CDH6: variants seen among roughly 807,000 people sequenced by gnomAD.
CDH6 encodes the protein cadherin 6.
A neutral mutation model predicts 78.0 loss-of-function variants in CDH6; 31 were observed. The observed-to-expected ratio is 0.40, with a 90% CI of 0.30 to 0.54. The LOEUF is 0.54. Among genes scored for constraint, CDH6 ranks in the 20% least tolerant of loss-of-function variants. The pLI, the probability that CDH6 is intolerant of heterozygous loss-of-function variation, is 0.56. For missense variants in CDH6, 724 were observed against 975.9 expected (o/e 0.74, Z 3.44); for synonymous variants, 376 against 368.8 (o/e 1.02, Z -0.23).
chr5:31,198,148 A>G (rs991076843), intron 1 of CDH6, among the ~76,000 whole-genome samples: 3 of 152,200 alleles, frequency 2.0e-5, no homozygotes, highest in Non-Finnish European at 4.4e-5. Flanking sequence ...TGAACTCTCC[A>G]AGAAACTTTC....
chr5:31,218,303 A>T (rs1561028055), intron 1 of CDH6, among the ~76,000 whole-genome samples: 1 of 152,196 alleles, frequency 6.6e-6, no homozygotes, highest in East Asian at 1.9e-4. Flanking sequence ...AGCCAAAAGA[A>T]AACTATACCT....
At chr5:31,255,151 G>C (rs10057582) in intron 1 of CDH6, among the ~76,000 whole-genome samples, 51,345 of 152,100 alleles carry the variant, frequency 0.34, 8,813 homozygotes, top group Non-Finnish European at 0.36. Context: ...TGCTTGATTT[G>C]ATTACTTCGA....
At chr5:31,199,547 C>G (rs1218749635) in intron 1 of CDH6, among the ~76,000 whole-genome samples, 2 of 145,890 alleles carry the variant, frequency 1.4e-5, no homozygotes, top group Admixed American at 1.4e-4. Context: ...TATGTATACA[C>G]ACATATGTGT....
At chr5:31,202,948 G>T (rs1452906775) in intron 1 of CDH6, among the ~76,000 whole-genome samples, 4 of 151,718 alleles carry the variant, frequency 2.6e-5, no homozygotes, top group African/African-American at 9.7e-5. Flanking sequence ...AATCAAAATG[G>T]CTTGTGGTCA....
chr5:31,284,142 T>C (rs190077275), intron 2 of CDH6, among the ~76,000 whole-genome samples: 1 of 152,292 alleles, frequency 6.6e-6, no homozygotes, highest in African/African-American at 2.4e-5. Flanking sequence ...TTCAAGCCCA[T>C]TTTGTAGATC....
chr5:31,267,398 C>A lies in CDH6; in HGVS notation c.-76C>A. 1.0e-6 allele frequency: 1 copy of A among 982,606 alleles called. No individual in the cohort carries two copies. Among genetic ancestry groups the A allele is most frequent in the Non-Finnish European group, 1.6e-6 (1 of 618,134 alleles). The allele number at this position is 982,606 out of a possible 1,614,324, so 60.9% of individuals were successfully genotyped here. Reference sequence around the variant, plus strand: ...ATTAAGGAAGGAAGGAGGAATGAGGCTGGATACGGTGCAGTGAAAAAGGCA... The same window carrying A: ...ATTAAGGAAGGAAGGAGGAATGAGGATGGATACGGTGCAGTGAAAAAGGCA... On this transcript the variant is annotated 5_prime_UTR_variant, in exon 2 of 12. The change creates a new upstream start codon in the 5' untranslated region. Coordinates refer to ENST00000265071, the MANE Select transcript of CDH6 (RefSeq NM_004932.4).
rs746910508 is a variant in CDH6, at chr5:31,317,859, T to A, written c.1817T>A (p.Ile606Asn). The change falls in exon 11 of 12, where the codon ATC becomes AAC. Residue 606 changes from isoleucine to asparagine, a missense_variant. Around this residue, in one of 3 missense-constraint regions of CDH6, gnomAD observed 220 missense variants for 240.6 expected, o/e 0.91. Transcript: ENST00000265071. Reference sequence around the variant, plus strand: ...CAATCCTGCCATGCGGAGGCGCTCATCCACCCCACGGGACTGAGCACGGGG... The same window carrying A: ...CAATCCTGCCATGCGGAGGCGCTCAACCACCCCACGGGACTGAGCACGGGG... ...NMQSCHAEAL[I>N]HPTGLSTGAL... is the part of the protein sequence containing the mutation. 5.0e-6 allele frequency: 8 copies of A among 1,613,926 alleles called. No individual in the cohort carries two copies. In the Middle Eastern group the frequency reaches 4.9e-4, roughly 99 times the overall value.
At chr5:31,279,222 A>G (rs1479933490) in intron 2 of CDH6, among the ~76,000 whole-genome samples, 1 of 152,180 alleles carries the variant, frequency 6.6e-6, no homozygotes, top group African/African-American at 2.4e-5. Flanking sequence ...TGTGTATGTT[A>G]TATTTTTATA....
At chr5:31,236,138 A>G (rs16900774) in intron 1 of CDH6, among the ~76,000 whole-genome samples, 2,930 of 152,312 alleles carry the variant, frequency 0.019, 121 homozygotes, top group East Asian at 0.15. Context: ...TGGTGTATAT[A>G]CAAATAGCAG....
chr5:31,216,083 A>G (rs1487025611), intron 1 of CDH6, among the ~76,000 whole-genome samples: 1 of 152,118 alleles, frequency 6.6e-6, no homozygotes, highest in Non-Finnish European at 1.5e-5. Context: ...TATTATTTAG[A>G]TCATGCATTT....
intron 2 of CDH6, among the ~76,000 whole-genome samples, chr5:31,280,606 G>A (rs1262630175): frequency 2.0e-5 from 3 of 152,058 alleles, no homozygotes; most frequent in Non-Finnish European, 4.4e-5. Context: ...GATACGGTGG[G>A]CAAATGAAAC....
intron 7 of CDH6, among the ~76,000 whole-genome samples, chr5:31,305,698 A>G (rs538584197): frequency 6.6e-6 from 1 of 152,346 alleles, no homozygotes; most frequent in Admixed American, 6.5e-5. Flanking sequence ...AGTTCCTTAT[A>G]GGAAATGACA....
At chr5:31,222,877 AT>A (rs1285411316) in intron 1 of CDH6, among the ~76,000 whole-genome samples, 1 of 152,192 alleles carries the variant, frequency 6.6e-6, no homozygotes, top group Admixed American at 6.5e-5. Flanking sequence ...ATCCTAATCA[AT>A]ACCATGATCC....
chr5:31,294,144 A>G lies in CDH6; in HGVS notation c.411A>G (p.Arg137=). 4 of 1,613,938 alleles carry G rather than the reference A, an allele frequency of 2.5e-6. No individual in the cohort carries two copies. The highest frequency in any genetic ancestry group is 3.4e-6 in the Non-Finnish European group (4 of 1,179,946). Residue 137 remains arginine, a synonymous_variant, in exon 3 of 12, where the codon AGA becomes AGG. Coordinates refer to ENST00000265071, the MANE Select transcript of CDH6 (RefSeq NM_004932.4). This position sits in a 1 kb window ranked among gnomAD's most constrained non-coding sequence, Gnocchi z 4.1. ...RAQAINRRTG[R]PVEPESEFII... ...AAGCTATAAACAGAAGGACAGGGAGACCCGTGGAGCCCGAGTCTGAATTCA... is the reference window on the plus strand; with the variant it reads ...AAGCTATAAACAGAAGGACAGGGAGGCCCGTGGAGCCCGAGTCTGAATTCA...
At chr5:31,220,132 T>C (rs763209927) in intron 1 of CDH6, among the ~76,000 whole-genome samples, 5 of 152,224 alleles carry the variant, frequency 3.3e-5, no homozygotes, top group Non-Finnish European at 5.9e-5. Context: ...TATATTTTTC[T>C]GTGACACATC....
intron 1 of CDH6, among the ~76,000 whole-genome samples, chr5:31,235,956 G>A (rs1741443371): frequency 6.6e-6 from 1 of 151,990 alleles, no homozygotes; most frequent in African/African-American, 2.4e-5. Flanking sequence ...TATGCCCATT[G>A]TTTGTACTCA....
In CDH6 at chr5:31,218,845, T is replaced by A. The variant is rs530295734; in HGVS notation, c.-129+24959T>A. ...CTGCTGCTTCAAAAGCTCCCGTGGT[T>A]CCCACAGCACTAACCCACTCTCATC... On this transcript the variant is annotated intron_variant, in intron 1 of 11. Coordinates refer to ENST00000265071, the MANE Select transcript of CDH6 (RefSeq NM_004932.4). Among the ~76,000 whole-genome samples, 8 of 152,268 alleles carry A rather than the reference T, an allele frequency of 5.3e-5. No homozygotes were observed. The South Asian group carries it at 1.7e-3, about 32-fold the overall frequency.
intron 7 of CDH6, among the ~76,000 whole-genome samples, chr5:31,309,040 A>G (rs796262021): frequency 1.8e-4 from 28 of 152,276 alleles, no homozygotes; most frequent in African/African-American, 6.7e-4. Context: ...AGAAATGATC[A>G]AGTAAGTACA....
intron 1 of CDH6, among the ~76,000 whole-genome samples, chr5:31,195,289 G>A (rs962755351): frequency 1.3e-5 from 2 of 152,052 alleles, no homozygotes; most frequent in Admixed American, 6.6e-5. Context: ...CTTTCTGAGT[G>A]GTTAATTATC....
Sources: gnomAD v4.1 joint callset for allele counts (sites outside exome capture counted in the v4.1 genomes callset) on GRCh38, gnomAD v4.1.1 for gene constraint, gnomAD v4.1.1 regional missense constraint, Gnocchi (gnomAD v3.1) non-coding constraint, MANE v1.5 for transcripts, NCBI Gene and HGNC (gene_info 2026-07-23, HGNC 2026-07-21) for gene names.